Variants in TSNARE1 observed in about 807,000 individuals in gnomAD.
TSNARE1 encodes the protein t-SNARE domain-containing protein 1.
A neutral mutation model predicts 62.0 loss-of-function variants in TSNARE1; 49 were observed. That is an observed-to-expected ratio of 0.79 (90% CI 0.63 to 1.00). The LOEUF is 1.00. TSNARE1 is among the 50% of genes least tolerant of loss of function. The probability of loss-of-function intolerance (pLI) is 0.00; values close to 1 mark genes in which losing one functional copy is unlikely to be tolerated. For synonymous variants in TSNARE1, 328 were observed against 294.4 expected (o/e 1.11, Z -1.17); for missense variants, 755 against 700.1 (o/e 1.08, Z -0.88).
At chr8:142,270,090 A>C in intron 12 of TSNARE1, 1 of 985,430 alleles carries the variant, frequency 1.0e-6, no homozygotes, top group Non-Finnish European at 1.2e-6. Context: ...AGCCAGGCAG[A>C]GGCCCCAGAC....
intron 1 of TSNARE1, among the ~76,000 whole-genome samples, chr8:142,365,633 C>CACACACACACACACAG (rs60883386): frequency 1.4e-5 from 2 of 138,552 alleles, no homozygotes; most frequent in African/African-American, 5.6e-5. Context: ...CACACACACA[C>CACACACACACACACAG]AGAGAGAGAG....
intron 12 of TSNARE1, among the ~76,000 whole-genome samples, chr8:142,241,018 T>G (rs1222869162): frequency 1.3e-5 from 2 of 152,144 alleles, no homozygotes; most frequent in Non-Finnish European, 2.9e-5. Flanking sequence ...TCCTCGCCAG[T>G]GTAATTAGGC....
At chr8:142,250,611 G>A (rs779185898) in intron 12 of TSNARE1, among the ~76,000 whole-genome samples, 12 of 152,324 alleles carry the variant, frequency 7.9e-5, no homozygotes, top group African/African-American at 2.4e-4. Context: ...TGATGGCAGC[G>A]TTAATGAGCC....
chr8:142,352,563 C>T (rs561406185), intron 2 of TSNARE1, among the ~76,000 whole-genome samples: 5 of 152,384 alleles, frequency 3.3e-5, no homozygotes, highest in African/African-American at 9.6e-5. Flanking sequence ...CACGCACAGA[C>T]GCCGCGGTGT....
At chr8:142,229,039 G>A (rs1816965841) in intron 13 of TSNARE1, among the ~76,000 whole-genome samples, 1 of 150,676 alleles carries the variant, frequency 6.6e-6, no homozygotes, top group Non-Finnish European at 1.5e-5. Context: ...GGATGGATGG[G>A]TGGATGAGTG....
intron 4 of TSNARE1, among the ~76,000 whole-genome samples, chr8:142,337,408 A>G (rs1343483620): frequency 6.6e-6 from 1 of 152,248 alleles, no homozygotes; most frequent in Non-Finnish European, 1.5e-5. Flanking sequence ...CTTTCCGCCT[A>G]ACAGCCAAAA....
intron 13 of TSNARE1, among the ~76,000 whole-genome samples, chr8:142,222,045 CCACT>C (rs1351643304): frequency 2.3e-4 from 27 of 118,404 alleles, no homozygotes; most frequent in African/African-American, 4.1e-4. Context: ...ATCCACTCAT[CCACT>C]CACTCACTCA....
At chr8:142,358,946 T>C (rs987812765) in intron 1 of TSNARE1, among the ~76,000 whole-genome samples, 5 of 151,780 alleles carry the variant, frequency 3.3e-5, no homozygotes, top group Admixed American at 1.3e-4. Flanking sequence ...GTGGCCCCTG[T>C]GCCCACACCG....
At chr8:142,276,944 T>C in intron 11 of TSNARE1, 1 of 985,446 alleles carries the variant, frequency 1.0e-6, no homozygotes, top group Non-Finnish European at 1.2e-6. Context: ...GCACGCCATG[T>C]CCTGCCCCGG....
chr8:142,370,251 G>C (rs770236712), intron 1 of TSNARE1, among the ~76,000 whole-genome samples: 1 of 152,106 alleles, frequency 6.6e-6, no homozygotes, highest in Non-Finnish European at 1.5e-5. Flanking sequence ...AACAAACTGA[G>C]ACAGTATCAT....
At chr8:142,273,626 T>G in intron 12 of TSNARE1, 2 of 985,370 alleles carry the variant, frequency 2.0e-6, no homozygotes, top group Non-Finnish European at 2.4e-6. Flanking sequence ...CTGAACCTTC[T>G]GAGTCTCATG....
intron 1 of TSNARE1, among the ~76,000 whole-genome samples, chr8:142,392,856 C>T (rs998988935): frequency 6.6e-6 from 1 of 151,762 alleles, no homozygotes; most frequent in African/African-American, 2.4e-5. Context: ...AGGAGAATTG[C>T]TTGAACCTGG....
At chr8:142,370,348 C>T (rs1835836283) in intron 1 of TSNARE1, among the ~76,000 whole-genome samples, 1 of 152,194 alleles carries the variant, frequency 6.6e-6, no homozygotes. Flanking sequence ...GCAGGAACAT[C>T]ACTTGAGGCC....
chr8:142,394,186 C>G (rs1436620081), intron 1 of TSNARE1, among the ~76,000 whole-genome samples: 1 of 152,232 alleles, frequency 6.6e-6, no homozygotes, highest in African/African-American at 2.4e-5. Context: ...CCTCCATACC[C>G]TCTCACACCG....
At chr8:142,378,334 C>T (rs998879672) in intron 1 of TSNARE1, among the ~76,000 whole-genome samples, 1 of 152,136 alleles carries the variant, frequency 6.6e-6, no homozygotes, top group Non-Finnish European at 1.5e-5. Context: ...AGGCAAAAGT[C>T]GCATGTGGTG....
chr8:142,256,331 T>G (rs1818557319), intron 12 of TSNARE1, among the ~76,000 whole-genome samples: 1 of 3,790 alleles, frequency 2.6e-4, no homozygotes, highest in Admixed American at 2.6e-3. Flanking sequence ...ATCACCATCT[T>G]TGCCACCATC....
At chr8:142,236,716 T>C (rs1055973998) in intron 12 of TSNARE1, among the ~76,000 whole-genome samples, 1 of 152,124 alleles carries the variant, frequency 6.6e-6, no homozygotes, top group African/African-American at 2.4e-5. Flanking sequence ...CCACCCTCCC[T>C]GAGCAGAGCT....
chr8:142,283,383 G>A (rs113513759), intron 11 of TSNARE1, among the ~76,000 whole-genome samples: 33,340 of 139,734 alleles, frequency 0.24, 3,204 homozygotes, highest in African/African-American at 0.28. Context: ...GTCTGTCAAT[G>A]AGCAGAGGCG....
chr8:142,341,880 G>A (rs767497878), intron 4 of TSNARE1, among the ~76,000 whole-genome samples: 5 of 152,172 alleles, frequency 3.3e-5, no homozygotes, highest in Non-Finnish European at 5.9e-5. Context: ...AAACCCACTC[G>A]AACCCTGTGA....
Sources: allele counts gnomAD v4.1 joint callset (sites outside exome capture counted in the v4.1 genomes callset), GRCh38; gene constraint gnomAD v4.1.1; transcripts MANE v1.5; gene names NCBI Gene and HGNC (gene_info 2026-07-23, HGNC 2026-07-21).